Variants in STAG1 observed in about 807,000 individuals in gnomAD.
STAG1 encodes the protein STAG1 cohesin complex component.
In STAG1, 26 loss-of-function variants were observed where a neutral mutation model predicts 170.9. That is an observed-to-expected ratio of 0.15 (90% CI 0.11 to 0.21). STAG1 has a LOEUF of 0.21. Among genes scored for constraint, STAG1 ranks in the 10% least tolerant of loss-of-function variants. The pLI, the probability that STAG1 is intolerant of heterozygous loss-of-function variation, is 1.00. For missense variants in STAG1, 964 were observed against 1,509.5 expected (o/e 0.64, Z 5.99); for synonymous variants, 514 against 497.7 (o/e 1.03, Z -0.44).
chr3:136,668,236 T>C (rs1941859929), intron 1 of STAG1, among the ~76,000 whole-genome samples: 1 of 147,732 alleles, frequency 6.8e-6, no homozygotes, highest in Non-Finnish European at 1.5e-5. Flanking sequence ...CTGTCTCAAA[T>C]ATATATATAT....
intron 5 of STAG1, among the ~76,000 whole-genome samples, chr3:136,543,343 C>G (rs557630469): frequency 6.6e-6 from 1 of 152,262 alleles, no homozygotes; most frequent in African/African-American, 2.4e-5. Context: ...TTTGTATAGT[C>G]CTTATCAATA....
rs199949013 is a variant in STAG1 at position 136,556,581 on chromosome 3, G to T, written c.394+12184C>A. Among the ~76,000 whole-genome samples the T allele has an allele frequency of 2.5e-3, 379 of 149,524 alleles. 6 individuals carry two copies. In the East Asian group the frequency reaches 0.043, roughly 17 times the overall value. The stretch of plus-strand genomic sequence containing the variant: ...AGAACTTGACATTCGTTTTTTTTTT[G>T]TTTGTTTGTTTGTTTTTTTGAGACA... On this transcript the variant is annotated intron_variant, in intron 5 of 33. Transcript: ENST00000383202.
chr3:136,453,416 C>G (rs1386385309), intron 13 of STAG1, among the ~76,000 whole-genome samples: 1 of 151,812 alleles, frequency 6.6e-6, no homozygotes, highest in Non-Finnish European at 1.5e-5. Context: ...ACAGTGAAAC[C>G]CCATCTCTAC....
At chr3:136,490,133 C>T (rs1030029537) in intron 9 of STAG1, among the ~76,000 whole-genome samples, 2 of 152,060 alleles carry the variant, frequency 1.3e-5, no homozygotes, top group African/African-American at 2.4e-5. Flanking sequence ...CTCCACCTCC[C>T]GGGTTCAAGC....
chr3:136,484,884 T>C (rs1191189714), intron 9 of STAG1, among the ~76,000 whole-genome samples: 3 of 151,908 alleles, frequency 2.0e-5, no homozygotes, highest in Admixed American at 6.6e-5. Flanking sequence ...GAAAGGGAAC[T>C]CCCTGACCCT....
At chr3:136,666,054 G>A (rs1286411793) in intron 1 of STAG1, among the ~76,000 whole-genome samples, 6 of 109,988 alleles carry the variant, frequency 5.5e-5, no homozygotes, top group Admixed American at 1.4e-4. Context: ...CAGCCTGGGC[G>A]ATAGAGTGAG....
At chr3:136,521,476 T>C in intron 6 of STAG1, 59 bp from the exon 7 acceptor site, 1 of 1,498,270 alleles carries the variant, frequency 6.7e-7, no homozygotes, top group Non-Finnish European at 9.2e-7. Flanking sequence ...GATGAAAGCT[T>C]TTTTTTTCTT....
intron 1 of STAG1, among the ~76,000 whole-genome samples, chr3:136,696,145 GT>G (rs1044728234): frequency 6.6e-6 from 1 of 152,174 alleles, no homozygotes; most frequent in African/African-American, 2.4e-5. Context: ...CATTAGCAAA[GT>G]TTTTCTGGAA....
intron 3 of STAG1, among the ~76,000 whole-genome samples, chr3:136,611,891 A>C (rs1388240476): frequency 6.6e-6 from 1 of 151,460 alleles, no homozygotes; most frequent in Non-Finnish European, 1.5e-5. Context: ...TCTGTCGCCC[A>C]GGCTGAAGTG....
At chr3:136,686,882 T>C (rs138202102) in intron 1 of STAG1, among the ~76,000 whole-genome samples, 2 of 152,322 alleles carry the variant, frequency 1.3e-5, no homozygotes, top group East Asian at 3.9e-4. Flanking sequence ...CAAGAGAATC[T>C]AGTGAAGTCT....
intron 21 of STAG1, among the ~76,000 whole-genome samples, chr3:136,403,079 T>A (rs1462232241): frequency 6.7e-6 from 1 of 150,122 alleles, no homozygotes; most frequent in African/African-American, 2.4e-5. Context: ...AATACAAAAA[T>A]TAGCTAAGCA....
At chr3:136,338,724 T>G (rs111653185) in intron 32 of STAG1, among the ~76,000 whole-genome samples, 2 of 152,242 alleles carry the variant, frequency 1.3e-5, no homozygotes, top group African/African-American at 4.8e-5. Flanking sequence ...ACTTTGGGCC[T>G]ACATGCCCAG....
At chr3:136,663,730 G>C (rs534139548) in intron 1 of STAG1, among the ~76,000 whole-genome samples, 2 of 152,200 alleles carry the variant, frequency 1.3e-5, no homozygotes, top group South Asian at 4.1e-4. Flanking sequence ...TTCCACCCTT[G>C]ATCTTCAGGT....
intron 4 of STAG1, among the ~76,000 whole-genome samples, chr3:136,594,188 C>T (rs1427703465): frequency 6.6e-6 from 1 of 152,028 alleles, no homozygotes; most frequent in African/African-American, 2.4e-5. Flanking sequence ...TAAATAAACC[C>T]ACAGCTGCTT....
intron 6 of STAG1, among the ~76,000 whole-genome samples, chr3:136,528,978 A>C (rs1483141956): frequency 6.6e-6 from 1 of 151,958 alleles, no homozygotes; most frequent in Non-Finnish European, 1.5e-5. Context: ...AACAAACCAA[A>C]AAACCCCCAC....
At chr3:136,680,001 G>A (rs1395386494) in intron 1 of STAG1, among the ~76,000 whole-genome samples, 1 of 152,162 alleles carries the variant, frequency 6.6e-6, no homozygotes, top group East Asian at 1.9e-4. Context: ...TCCCATAAAT[G>A]TGGGAATGGC....
rs773981898 is a variant in STAG1, at chr3:136,359,133, G to A, written c.2936+15C>T. 3.8e-6 allele frequency: 6 copies of A among 1,592,894 alleles called. No homozygotes were observed. Among genetic ancestry groups the A allele is most frequent in the Non-Finnish European group, 8.6e-7 (1 of 1,167,480 alleles). ...TAAATCAGATTCTGCATAACAAAGT[G>A]TTTATCTCACTCACTTGTGAAGTGT... On this transcript the variant is annotated intron_variant, in intron 27 of 33. Transcript: ENST00000383202.
intron 22 of STAG1, among the ~76,000 whole-genome samples, chr3:136,382,454 G>A (rs1938025463): frequency 6.7e-6 from 1 of 150,010 alleles, no homozygotes; most frequent in Middle Eastern, 3.5e-3. Flanking sequence ...CCAGGCTGGA[G>A]TGCAGTGGCG....
chr3:136,502,745 G>A lies in STAG1; in HGVS notation c.711C>T (p.Ala237=), dbSNP rs770562323. ...MKLMTALVNV[A]LNLSIHQDNT... Reference sequence around the variant, plus strand: ...TATCCTGATGAATACTGAGGTTTAAGGCAACATTCACCAGAGCAGTCATGA... The same window carrying A: ...TATCCTGATGAATACTGAGGTTTAAAGCAACATTCACCAGAGCAGTCATGA... Residue 237 remains alanine, a synonymous_variant, in exon 8 of 34, where the codon GCC becomes GCT. Coordinates refer to ENST00000383202, the MANE Select transcript of STAG1 (RefSeq NM_005862.3). The A allele has an allele frequency of 3.7e-6, 6 of 1,611,828 alleles. No individual in the cohort carries two copies. The Admixed American group carries it at 5.0e-5, about 13-fold the overall frequency.
Sources: gnomAD v4.1 joint callset for allele counts (sites outside exome capture counted in the v4.1 genomes callset) on GRCh38, gnomAD v4.1.1 for gene constraint, MANE v1.5 for transcripts, NCBI Gene and HGNC (gene_info 2026-07-23, HGNC 2026-07-21) for gene names.